CACNA2D3: variants seen among roughly 807,000 people sequenced by gnomAD.
The protein encoded by CACNA2D3 is calcium voltage-gated channel auxiliary subunit alpha2delta 3, also known as voltage-dependent calcium channel subunit alpha-2/delta-3.
A neutral mutation model predicts 160.6 loss-of-function variants in CACNA2D3; 60 were observed. The ratio of observed to expected loss-of-function variants is 0.37; its 90% confidence interval spans 0.30 to 0.46. The LOEUF (loss-of-function observed/expected upper bound fraction) is 0.46. Among genes scored for constraint, CACNA2D3 ranks in the 20% least tolerant of loss-of-function variants. CACNA2D3 has a pLI of 1.00. For missense variants in CACNA2D3, 1,205 were observed against 1,365.0 expected (o/e 0.88, Z 1.85); for synonymous variants, 558 against 492.9 (o/e 1.13, Z -1.75).
chr3:54,192,694 GTT>G (rs34850441), intron 2 of CACNA2D3, among the ~76,000 whole-genome samples: 1 of 151,888 alleles, frequency 6.6e-6, no homozygotes, highest in East Asian at 1.9e-4. Context: ...GTGTGTGTGT[GTT>G]TGTGTATTCA....
At chr3:54,656,634 G>A (rs752015794) in intron 11 of CACNA2D3, among the ~76,000 whole-genome samples, 2 of 152,186 alleles carry the variant, frequency 1.3e-5, no homozygotes, top group African/African-American at 4.8e-5. Context: ...AGAAAATTAG[G>A]GGCCCACAGG....
intron 4 of CACNA2D3, among the ~76,000 whole-genome samples, chr3:54,487,859 A>G (rs748551378): frequency 1.6e-4 from 24 of 152,226 alleles, no homozygotes; most frequent in Non-Finnish European, 7.3e-5. Flanking sequence ...CTCAATGACC[A>G]CATGTGGCTA....
In CACNA2D3 at chr3:54,759,697, A is replaced by G. The variant is rs545796786; in HGVS notation, c.1247-4521A>G. 8.5e-5 allele frequency among the ~76,000 whole-genome samples: 13 copies of G among 152,242 alleles called. No homozygotes were observed. The South Asian group carries it at 1.5e-3, about 17-fold the overall frequency. ...AGATCTTTGTTGTTGCTCATTGCTC[A>G]AAGGACAGTCATATATTGCCCCATC... is the stretch of plus-strand genomic sequence containing the variant. On this transcript the variant is annotated intron_variant, in intron 12 of 37. Transcript: ENST00000474759.
chr3:54,838,533 T>C, intron 15 of CACNA2D3, 35 bp from the exon 16 acceptor site: 2 of 1,529,496 alleles, frequency 1.3e-6, no homozygotes, highest in Non-Finnish European at 1.8e-6. Flanking sequence ...CAAGTTAACT[T>C]ACTGTTATTA....
At chr3:54,534,089 C>T (rs1277808336) in intron 5 of CACNA2D3, among the ~76,000 whole-genome samples, 5 of 152,142 alleles carry the variant, frequency 3.3e-5, no homozygotes, top group Admixed American at 6.5e-5. Flanking sequence ...CCTCCTTGCA[C>T]GCTCTTCTGG....
At chr3:54,570,505 TTGA>T (rs1393888337) in intron 8 of CACNA2D3, among the ~76,000 whole-genome samples, 7 of 151,196 alleles carry the variant, frequency 4.6e-5, no homozygotes, top group Admixed American at 2.0e-4. Context: ...ATGATAATAA[TTGA>T]TAATAATAAT....
At chr3:54,677,925 T>G (rs1010603300) in intron 11 of CACNA2D3, among the ~76,000 whole-genome samples, 1 of 152,100 alleles carries the variant, frequency 6.6e-6, no homozygotes, top group Non-Finnish European at 1.5e-5. Flanking sequence ...TTGAGTTACC[T>G]TTAGAGTCCT....
intron 29 of CACNA2D3, among the ~76,000 whole-genome samples, chr3:54,979,197 T>A (rs1212135902): frequency 6.6e-6 from 1 of 152,156 alleles, no homozygotes; most frequent in Non-Finnish European, 1.5e-5. Context: ...GAAGGTGACA[T>A]TCTTTACTTA....
intron 11 of CACNA2D3, among the ~76,000 whole-genome samples, chr3:54,657,874 C>G (rs1699902458): frequency 2.0e-5 from 3 of 152,012 alleles, no homozygotes; most frequent in Admixed American, 1.3e-4. Flanking sequence ...ACTAAAAATA[C>G]AAAAATTAGC....
chr3:54,478,775 TAGTC>T (rs1011492365), intron 4 of CACNA2D3, among the ~76,000 whole-genome samples: 10 of 145,782 alleles, frequency 6.9e-5, no homozygotes, highest in Non-Finnish European at 1.4e-4. Flanking sequence ...ACTCACCCAT[TAGTC>T]AGGCGGCTCA....
At chr3:54,541,278 G>GAAAAAAA (rs141900915) in intron 5 of CACNA2D3, among the ~76,000 whole-genome samples, 49 of 81,640 alleles carry the variant, frequency 6.0e-4, no homozygotes, top group Non-Finnish European at 6.8e-4. Context: ...CTCCGTCTCA[G>GAAAAAAA]AAAAAAAAAA....
intron 2 of CACNA2D3, among the ~76,000 whole-genome samples, chr3:54,220,778 T>C (rs1701552830): frequency 1.3e-5 from 2 of 152,196 alleles, no homozygotes; most frequent in African/African-American, 4.8e-5. Flanking sequence ...TTCCCTGTCT[T>C]CTCTCCAGAG....
chr3:54,763,718 CAT>C (rs35662926), intron 12 of CACNA2D3, among the ~76,000 whole-genome samples: 5,864 of 99,100 alleles, frequency 0.059, 674 homozygotes, highest in Middle Eastern at 0.16. Flanking sequence ...TATATATGTA[CAT>C]ATATACATAT....
At chr3:54,807,556 C>G (rs1703166176) in intron 13 of CACNA2D3, among the ~76,000 whole-genome samples, 1 of 151,992 alleles carries the variant, frequency 6.6e-6, no homozygotes, top group African/African-American at 2.4e-5. Flanking sequence ...CAGGAAACAA[C>G]AGGTGCTGGA....
At chr3:54,623,231 G>C (rs1274457386) in intron 9 of CACNA2D3, among the ~76,000 whole-genome samples, 1 of 152,210 alleles carries the variant, frequency 6.6e-6, no homozygotes, top group African/African-American at 2.4e-5. Context: ...TGTGGGCTTT[G>C]CTCTCTGCGG....
intron 4 of CACNA2D3, among the ~76,000 whole-genome samples, chr3:54,403,548 G>C (rs1427754371): frequency 1.3e-5 from 2 of 151,636 alleles, no homozygotes. Flanking sequence ...ATAATAAGAA[G>C]AAAGATTTTA....
At chr3:54,420,208 C>T in intron 4 of CACNA2D3, among the ~76,000 whole-genome samples, 1 of 152,162 alleles carries the variant, frequency 6.6e-6, no homozygotes, top group Non-Finnish European at 1.5e-5. Flanking sequence ...CCTCAGCCTC[C>T]TGAGTAGCTG....
chr3:54,955,497 A>G (rs1311271672), intron 27 of CACNA2D3, among the ~76,000 whole-genome samples: 1 of 152,178 alleles, frequency 6.6e-6, no homozygotes, highest in Non-Finnish European at 1.5e-5. Context: ...TCAGATGAGG[A>G]TATTCCAAAG....
chr3:54,406,934 A>G (rs1257817245), intron 4 of CACNA2D3, among the ~76,000 whole-genome samples: 1 of 152,166 alleles, frequency 6.6e-6, no homozygotes, highest in Non-Finnish European at 1.5e-5. Flanking sequence ...TATATGCAAT[A>G]ACATTTATTT....
Sources: allele counts gnomAD v4.1 joint callset (sites outside exome capture counted in the v4.1 genomes callset), GRCh38; gene constraint gnomAD v4.1.1; transcripts MANE v1.5; gene names NCBI Gene and HGNC (gene_info 2026-07-23, HGNC 2026-07-21).